ACP7: variants seen among roughly 807,000 people sequenced by gnomAD.
The protein encoded by ACP7 is acid phosphatase type 7.
A neutral mutation model predicts 60.6 loss-of-function variants in ACP7; 58 were observed. The observed-to-expected ratio is 0.96, with a 90% CI of 0.77 to 1.19. The LOEUF (loss-of-function observed/expected upper bound fraction) is 1.19, where lower values mean the gene tolerates loss of function less well. Among genes scored for constraint, ACP7 ranks in the 50% most tolerant of loss-of-function variants. The pLI is 0.00. For missense variants in ACP7, 574 were observed against 596.2 expected, an observed-to-expected ratio of 0.96 and a Z score of 0.39; for synonymous variants, 237 against 232.6, an observed-to-expected ratio of 1.02 and a Z score of -0.17.
At chr19:39,096,948 C>T (rs569709228) in intron 2 of ACP7, among the ~76,000 whole-genome samples, 1 of 152,230 alleles carries the variant, frequency 6.6e-6, no homozygotes, top group East Asian at 1.9e-4. Context: ...ACTACAGGCA[C>T]ATGCCACCAC....
intron 2 of ACP7, among the ~76,000 whole-genome samples, chr19:39,087,858 T>A (rs910707161): frequency 6.6e-6 from 1 of 152,008 alleles, no homozygotes; most frequent in African/African-American, 2.4e-5. Context: ...GGCCTCGAAC[T>A]CCTGACCTCA....
intron 4 of ACP7, 72 bp downstream of exon 4, chr19:39,099,214 CGGGGGCGCGCGGGTCG>C (rs968323411): frequency 9.6e-5 from 107 of 1,110,186 alleles, no homozygotes; most frequent in East Asian, 5.4e-4. Context: ...GCGCGCGGGT[CGGGGGCGCGCGGGTCG>C]GGGGCGGTGC....
In ACP7 at chr19:39,085,084, C is replaced by G. The variant is rs1256432864; in HGVS notation, c.-178-8C>G. The G allele has an allele frequency of 4.4e-6, 3 of 674,902 alleles. No individual in the cohort carries two copies. Among genetic ancestry groups the G allele is most frequent in the Admixed American group, 3.3e-5 (1 of 30,506 alleles). The allele number at this position is 674,902 out of a possible 1,614,324, so 41.8% of individuals were successfully genotyped here. On this transcript the variant is annotated splice_polypyrimidine_tract_variant and splice_region_variant and intron_variant, in intron 1 of 12. Coordinates refer to ENST00000331256, the MANE Select transcript of ACP7 (RefSeq NM_001004318.3). Reference sequence around the variant, plus strand: ...TTAGCGATTCTTATTTTTGGTTTCTCTCTCCAGCACCTGGATAACCACCCA... The same window carrying G: ...TTAGCGATTCTTATTTTTGGTTTCTGTCTCCAGCACCTGGATAACCACCCA...
intron 11 of ACP7, 29 bp downstream of exon 11, chr19:39,101,566 T>C (rs1170185620): frequency 3.1e-6 from 5 of 1,599,862 alleles, no homozygotes; most frequent in Non-Finnish European, 4.3e-6. Context: ...GGCTTTGCCT[T>C]CTCTCTCTAT....
chr19:39,101,220 C>T lies in ACP7; in HGVS notation c.973+13C>T, dbSNP rs765199286. On this transcript the variant is annotated intron_variant, in intron 9 of 12. Coordinates refer to ENST00000331256, the MANE Select transcript of ACP7 (RefSeq NM_001004318.3). ...TTCTACAAATATGGTGAGCGACCCTCAGGACCCATGCCCCACACCCCACCT... is the reference window on the plus strand; with the variant it reads ...TTCTACAAATATGGTGAGCGACCCTTAGGACCCATGCCCCACACCCCACCT... 2 of 1,614,204 alleles carry T rather than the reference C, an allele frequency of 1.2e-6. No individual in the cohort carries two copies. Among genetic ancestry groups the T allele is most frequent in the South Asian group, 1.1e-5 (1 of 91,088 alleles).
intron 11 of ACP7, 107 bp downstream of exon 11, chr19:39,101,644 T>A (rs751514990): frequency 5.6e-6 from 7 of 1,256,096 alleles, no homozygotes; most frequent in Non-Finnish European, 7.8e-6. Context: ...GGATATCACT[T>A]AACCCTCAGC....
At chr19:39,109,377 G>A (rs2073444217) in intron 12 of ACP7, among the ~76,000 whole-genome samples, 1 of 152,084 alleles carries the variant, frequency 6.6e-6, no homozygotes, top group African/African-American at 2.4e-5. Flanking sequence ...CATAGAACAT[G>A]GAAGTTTTGC....
intron 4 of ACP7, among the ~76,000 whole-genome samples, 178 bp downstream of exon 4, chr19:39,099,320 C>G (rs1005775490): frequency 3.9e-5 from 6 of 152,182 alleles, no homozygotes; most frequent in African/African-American, 1.4e-4. Flanking sequence ...GAGACGGTGT[C>G]TGTGGCCAAC....
At chr19:39,090,951 C>T (rs1387225287) in intron 2 of ACP7, among the ~76,000 whole-genome samples, 3 of 151,730 alleles carry the variant, frequency 2.0e-5, no homozygotes, top group Admixed American at 2.0e-4. Flanking sequence ...CATTTTATTC[C>T]ATGGGTGAAA....
At chr19:39,098,751 G>T in intron 3 of ACP7, 93 bp downstream of exon 3, 1 of 1,407,262 alleles carries the variant, frequency 7.1e-7, no homozygotes, top group East Asian at 2.4e-5. Context: ...GCTCAGGCTG[G>T]GCTGGTAACT....
chr19:39,108,495 A>G (rs73549519), intron 12 of ACP7, among the ~76,000 whole-genome samples: 1,702 of 152,142 alleles, frequency 0.011, 19 homozygotes, highest in African/African-American at 0.039. Flanking sequence ...GGATAATCAT[A>G]GTTTCCACCT....
intron 1 of ACP7, among the ~76,000 whole-genome samples, 167 bp from the exon 2 acceptor site, chr19:39,084,925 C>T (rs1397999114): frequency 3.9e-5 from 6 of 152,142 alleles, no homozygotes; most frequent in African/African-American, 1.4e-4. Flanking sequence ...TGCTCGGTTT[C>T]CTCATCTGTG....
chr19:39,099,811 G>A (rs1017558433), intron 4 of ACP7, among the ~76,000 whole-genome samples: 1 of 151,648 alleles, frequency 6.6e-6, no homozygotes, highest in African/African-American at 2.4e-5. Flanking sequence ...CAGCCAACAT[G>A]GTGAAACTCC....
intron 2 of ACP7, among the ~76,000 whole-genome samples, chr19:39,093,215 CCTCT>C (rs1215428515): frequency 8.9e-6 from 1 of 112,080 alleles, no homozygotes; most frequent in Non-Finnish European, 1.8e-5. Flanking sequence ...TCTTTCTCTC[CCTCT>C]CTCTCTCTTT....
At chr19:39,084,191 G>A (rs1303799953), upstream of ACP7, 3 of 152,336 alleles carry the variant, frequency 2.0e-5, no homozygotes, top group Admixed American at 1.3e-4. Context: ...TGGGGTGGGC[G>A]GGTGGGTGTG....
chr19:39,103,151 C>T (rs753474334), intron 11 of ACP7, among the ~76,000 whole-genome samples: 1 of 152,142 alleles, frequency 6.6e-6, no homozygotes, highest in East Asian at 1.9e-4. Flanking sequence ...CAGTGCCATT[C>T]TAATGGGGAT....
At chr19:39,087,239 T>C (rs1255485293) in intron 2 of ACP7, among the ~76,000 whole-genome samples, 1 of 152,314 alleles carries the variant, frequency 6.6e-6, no homozygotes, top group East Asian at 1.9e-4. Flanking sequence ...CTTGAATTCC[T>C]AAGCTCAAGC....
chr19:39,087,981 T>G (rs905678370), intron 2 of ACP7, among the ~76,000 whole-genome samples: 1 of 151,902 alleles, frequency 6.6e-6, no homozygotes, highest in African/African-American at 2.4e-5. Context: ...TCATTCCTTA[T>G]CTTTCCTTGT....
At chr19:39,087,005 TTTTA>T (rs953259683) in intron 2 of ACP7, among the ~76,000 whole-genome samples, 3 of 152,082 alleles carry the variant, frequency 2.0e-5, no homozygotes, top group Non-Finnish European at 4.4e-5. Flanking sequence ...TTTAAAAATC[TTTTA>T]TTTATTTATT....
Sources: allele counts gnomAD v4.1 joint callset (sites outside exome capture counted in the v4.1 genomes callset), GRCh38; gene constraint gnomAD v4.1.1; transcripts MANE v1.5; gene names NCBI Gene and HGNC (gene_info 2026-07-23, HGNC 2026-07-21).